TRMT44: variants seen among roughly 807,000 people sequenced by gnomAD.
The protein encoded by TRMT44 is tRNA methyltransferase 44 homolog.
TRMT44 carries 78 observed loss-of-function variants against 77.3 expected under a neutral mutation model. That is an observed-to-expected ratio of 1.01 (90% CI 0.84 to 1.22). The LOEUF is 1.22. TRMT44 is among the 50% of genes most tolerant of loss of function. TRMT44 has a pLI of 0.00. For missense variants in TRMT44, 1,090 were observed against 964.4 expected, an observed-to-expected ratio of 1.13 and a Z score of -1.73; for synonymous variants, 391 against 383.3, an observed-to-expected ratio of 1.02 and a Z score of -0.23.
Position 8,451,694 on chromosome 4 carries a change from T to C in TRMT44, c.955-266T>C, listed in dbSNP as rs965478448. Among the ~76,000 whole-genome samples the C allele has an allele frequency of 9.9e-5, 15 of 152,234 alleles. No individual in the cohort carries two copies. The highest frequency in any genetic ancestry group is 1.9e-4 in the East Asian group (1 of 5,206). ...AGTGTAGCTAAGTGTTTCCTCTGTG[T>C]CCACTGCCTCAGCTAAATGCCTTAG... On this transcript the variant is annotated intron_variant, in intron 3 of 10. Transcript: ENST00000389737. The surrounding 1 kb of genome is among the most constrained non-coding windows in gnomAD (Gnocchi z 4.1).
intron 2 of TRMT44, among the ~76,000 whole-genome samples, chr4:8,484,408 G>C (rs1453955913): frequency 6.6e-6 from 1 of 152,130 alleles, no homozygotes; most frequent in Non-Finnish European, 1.5e-5. Context: ...ATAGATTTTG[G>C]AAATTATGAG....
At chr4:8,515,649 G>A in the TRMT44 span, among the ~76,000 whole-genome samples, 8 of 152,194 alleles carry the variant, frequency 5.3e-5, no homozygotes, top group African/African-American at 1.9e-4. Context: ...TGCAGGAGGC[G>A]GGGCAGGGAG....
chr4:8,468,109 G>A lies in TRMT44; in HGVS notation c.1690G>A (p.Val564Ile), dbSNP rs778056581. 2 of 1,613,960 alleles carry A rather than the reference G, an allele frequency of 1.2e-6. No individual in the cohort carries two copies. Among genetic ancestry groups the A allele is most frequent in the South Asian group, 1.1e-5 (1 of 91,080 alleles). ...CDGQQALDAR[V>I]GCVTRAWAAE... The stretch of plus-strand genomic sequence containing the variant: ...CGGTCAGCAAGCTCTGGACGCCAGG[G>A]TCGGGTGTGTAACCAGGGCCTGGGC... Residue 564 changes from valine (V) to isoleucine (I), a missense_variant, in exon 9 of 11, where the codon GTC becomes ATC. Physicochemically the swap from Val to Ile is conservative, Grantham distance 29. Transcript: ENST00000389737.
downstream of TRMT44, among the ~76,000 whole-genome samples, chr4:8,481,467 T>TA (rs2109214118): frequency 6.6e-6 from 1 of 152,246 alleles, no homozygotes; most frequent in East Asian, 1.9e-4. Flanking sequence ...AGAAAACAAA[T>TA]ACTTTACAGG....
chr4:8,466,519 C>T (rs924954432), intron 8 of TRMT44, among the ~76,000 whole-genome samples: 1 of 152,242 alleles, frequency 6.6e-6, no homozygotes, highest in South Asian at 2.1e-4. Flanking sequence ...GCCTCAGGGC[C>T]GCTGGCGCTG....
intron 3 of TRMT44, 71 bp downstream of exon 3, chr4:8,449,959 T>TTTC (rs1725332687): frequency 9.6e-5 from 34 of 354,014 alleles, no homozygotes; most frequent in Admixed American, 5.2e-4. Context: ...CTTTTTTTTT[T>TTTC]TTTTTTTTTT....
chr4:8,453,887 C>T (rs1043259605), intron 5 of TRMT44, among the ~76,000 whole-genome samples: 1 of 152,186 alleles, frequency 6.6e-6, no homozygotes, highest in South Asian at 2.1e-4. Flanking sequence ...GCATATTTGT[C>T]TACACCTGTA....
chr4:8,460,070 A>G (rs2109133277), intron 6 of TRMT44, among the ~76,000 whole-genome samples: 1 of 152,328 alleles, frequency 6.6e-6, no homozygotes, highest in Non-Finnish European at 1.5e-5. Context: ...GTTAAAGTGC[A>G]CTCAGATCAG....
rs1404141200 is a variant in TRMT44, at chr4:8,452,242, C to G, written c.1023+214C>G. Among the ~76,000 whole-genome samples the G allele has an allele frequency of 6.6e-6, 1 of 152,222 alleles. No individual in the cohort carries two copies. Among genetic ancestry groups the G allele is most frequent in the Non-Finnish European group, 1.5e-5 (1 of 68,046 alleles). On this transcript the variant is annotated intron_variant, in intron 4 of 10. Coordinates refer to ENST00000389737, the MANE Select transcript of TRMT44 (RefSeq NM_152544.3). This position sits in a 1 kb window ranked among gnomAD's most constrained non-coding sequence, Gnocchi z 5.7. ...GTTGAAACTTGACCTCGGGTTCCAA[C>G]TTGACCTGCAGGCGGAACTGTACGT... is the stretch of plus-strand genomic sequence containing the variant.
At chr4:8,504,292 C>T in the TRMT44 span, among the ~76,000 whole-genome samples, 31 of 152,306 alleles carry the variant, frequency 2.0e-4, no homozygotes, top group South Asian at 6.2e-4. This position sits in a 1 kb window ranked among gnomAD's most constrained non-coding sequence, Gnocchi z 5.3. Flanking sequence ...GAGCAATGGC[C>T]CCCATTCACT....
the TRMT44 span, among the ~76,000 whole-genome samples, chr4:8,511,648 A>T: frequency 6.6e-6 from 1 of 152,176 alleles, no homozygotes; most frequent in Non-Finnish European, 1.5e-5. Flanking sequence ...AATTCGGCTC[A>T]ATCAAGGCTT....
At chr4:8,500,621 C>T in the TRMT44 span, among the ~76,000 whole-genome samples, 83 of 151,874 alleles carry the variant, frequency 5.5e-4, no homozygotes, top group South Asian at 0.016. Flanking sequence ...TGAAGCCAGT[C>T]TTGCCACCTT....
chr4:8,462,733 CAAAA>C (rs922386433), intron 6 of TRMT44, among the ~76,000 whole-genome samples: 1 of 152,030 alleles, frequency 6.6e-6, no homozygotes, highest in Non-Finnish European at 1.5e-5. Flanking sequence ...CAAAACAAAA[CAAAA>C]AAACTTCATA....
chr4:8,469,019 C>A (rs369331369), intron 9 of TRMT44, among the ~76,000 whole-genome samples: 1 of 152,240 alleles, frequency 6.6e-6, no homozygotes, highest in South Asian at 2.1e-4. Flanking sequence ...CCCATCCCCT[C>A]CCGGCCCCTC....
chr4:8,516,751 C>T, the TRMT44 span, among the ~76,000 whole-genome samples: 3 of 152,198 alleles, frequency 2.0e-5, no homozygotes, highest in African/African-American at 7.2e-5. Flanking sequence ...GCACTCCAGC[C>T]TGGGCAACAG....
intron 2 of TRMT44, among the ~76,000 whole-genome samples, chr4:8,489,288 A>G (rs1727918758): frequency 6.6e-6 from 1 of 152,214 alleles, no homozygotes; most frequent in Non-Finnish European, 1.5e-5. Flanking sequence ...CCTGGCATTG[A>G]CTTGGCCTCC....
chr4:8,450,059 C>T (rs546754700), intron 3 of TRMT44, among the ~76,000 whole-genome samples, 171 bp downstream of exon 3: 10 of 150,008 alleles, frequency 6.7e-5, no homozygotes, highest in Admixed American at 2.0e-4. Context: ...CTCTGCCTCC[C>T]GGGTTCAAGA....
chr4:8,447,844 T>C (rs1287473368), intron 2 of TRMT44, among the ~76,000 whole-genome samples: 1 of 152,202 alleles, frequency 6.6e-6, no homozygotes, highest in Non-Finnish European at 1.5e-5. Flanking sequence ...GCCAGGCACC[T>C]CTGTGCTCGG....
downstream of TRMT44, among the ~76,000 whole-genome samples, chr4:8,494,401 A>G (rs1728094713): frequency 6.6e-6 from 1 of 152,152 alleles, no homozygotes; most frequent in Non-Finnish European, 1.5e-5. Context: ...ACAAATGCAT[A>G]CCTGATGGCT....
Sources: gnomAD v4.1 joint callset for allele counts (sites outside exome capture counted in the v4.1 genomes callset) on GRCh38, gnomAD v4.1.1 for gene constraint, Gnocchi (gnomAD v3.1) non-coding constraint, MANE v1.5 for transcripts, NCBI Gene and HGNC (gene_info 2026-07-23, HGNC 2026-07-21) for gene names.